KCNQ1: variants seen among roughly 807,000 people sequenced by gnomAD.
The protein encoded by KCNQ1 is potassium voltage-gated channel subfamily KQT member 1.
A neutral mutation model predicts 72.4 loss-of-function variants in KCNQ1; 49 were observed. The observed-to-expected ratio is 0.68, with a 90% CI of 0.54 to 0.86. KCNQ1 has a LOEUF of 0.86. Ranked by LOEUF, KCNQ1 falls within the 40% of genes least tolerant of loss-of-function variation. The pLI is 0.00. For synonymous variants in KCNQ1, 450 were observed against 412.6 expected, an observed-to-expected ratio of 1.09 and a Z score of -1.10; for missense variants, 790 against 945.1, an observed-to-expected ratio of 0.84 and a Z score of 2.15.
chr11:2,626,424 C>T lies in KCNQ1; in HGVS notation c.1394-35537C>T, dbSNP rs950506585. ...GCACTCTTCTCAGGAATCATTTGAT[C>T]ATGTATACAAGGGTTTATTTTTGGG... On this transcript the variant is annotated intron_variant, in intron 10 of 15. Coordinates refer to ENST00000155840, the MANE Select transcript of KCNQ1 (RefSeq NM_000218.3). The surrounding 1 kb of genome is among the most constrained non-coding windows in gnomAD (Gnocchi z 4.0). The T allele has an allele frequency of 2.5e-6, 1 of 398,520 alleles. No homozygotes were observed. The highest frequency in any genetic ancestry group is 2.1e-5 in the African/African-American group (1 of 48,624). The allele number at this position is 398,520 out of a possible 1,614,324, so 24.7% of individuals were successfully genotyped here. A position where few individuals can be genotyped will look rare whatever the true frequency, so the allele number is the denominator to read the frequency against.
Position 2,612,213 on chromosome 11 carries a change from C to T in KCNQ1, c.1393+23359C>T, listed in dbSNP as rs541506714. ...AAGCATTACTGCCTGAGCTCTGCCT[C>T]CTGTCTGATCAGTGATGGCATTAGA... On this transcript the variant is annotated intron_variant, in intron 10 of 15. Transcript: ENST00000155840. This position sits in a 1 kb window ranked among gnomAD's most constrained non-coding sequence, Gnocchi z 5.5. The T allele has an allele frequency of 2.5e-6, 1 of 398,618 alleles. No homozygotes were observed. The highest frequency in any genetic ancestry group is 4.4e-5 in the Admixed American group (1 of 22,738). The allele number at this position is 398,618 out of a possible 1,614,324, so 24.7% of individuals were successfully genotyped here. A position where few individuals can be genotyped will look rare whatever the true frequency, so the allele number is the denominator to read the frequency against.
rs995178123 is a variant in KCNQ1 at position 2,484,381 on chromosome 11, T to A, written c.386+38897T>A. On this transcript the variant is annotated intron_variant, in intron 1 of 15. Coordinates refer to ENST00000155840, the MANE Select transcript of KCNQ1 (RefSeq NM_000218.3). The surrounding 1 kb of genome is among the most constrained non-coding windows in gnomAD (Gnocchi z 5.2). Reference sequence around the variant, plus strand: ...GGTTTCATCATGTTGGCCAGGCTGGTCTTGAACTCCTAACCTCAGGTGATC... The same window carrying A: ...GGTTTCATCATGTTGGCCAGGCTGGACTTGAACTCCTAACCTCAGGTGATC... Among the ~76,000 whole-genome samples, 3 of 152,110 alleles carry A rather than the reference T, an allele frequency of 2.0e-5. No individual in the cohort carries two copies. The highest frequency in any genetic ancestry group is 7.2e-5 in the African/African-American group (3 of 41,418).
rs143007935 is a variant in KCNQ1, at chr11:2,582,024, G to T, written c.922-1411G>T. Among the ~76,000 whole-genome samples the T allele has an allele frequency of 5.6e-4, 86 of 152,356 alleles. No homozygotes were observed. In the East Asian group the frequency reaches 6.2e-3, roughly 11 times the overall value. Reference sequence around the variant, plus strand: ...CGGTCAGGGCACTAGTGGGGCAGGGGCCTGGGTGGCGGCCAGGGCTCAGCA... The same window carrying T: ...CGGTCAGGGCACTAGTGGGGCAGGGTCCTGGGTGGCGGCCAGGGCTCAGCA... On this transcript the variant is annotated intron_variant, in intron 6 of 15. Coordinates refer to ENST00000155840, the MANE Select transcript of KCNQ1 (RefSeq NM_000218.3).
Position 2,515,749 on chromosome 11 carries a change from C to T in KCNQ1, c.387-12179C>T, listed in dbSNP as rs1847278144. On this transcript the variant is annotated intron_variant, in intron 1 of 15. Coordinates refer to ENST00000155840, the MANE Select transcript of KCNQ1 (RefSeq NM_000218.3). This position sits in a 1 kb window ranked among gnomAD's most constrained non-coding sequence, Gnocchi z 4.7. ...AATATACTCTCTGTGGGTGTCTTAT[C>T]ACAGCCCAGGGAGCCAGGCTTGGTG... 6.6e-6 allele frequency among the ~76,000 whole-genome samples: 1 copy of T among 152,152 alleles called. No individual in the cohort carries two copies. The highest frequency in any genetic ancestry group is 1.5e-5 in the Non-Finnish European group (1 of 68,012).
chr11:2,793,096 C>G (rs892138402), intron 15 of KCNQ1, among the ~76,000 whole-genome samples: 10 of 152,212 alleles, frequency 6.6e-5, no homozygotes, highest in Non-Finnish European at 1.3e-4. Flanking sequence ...ATGCTGATGC[C>G]TGGGTGACTC....
chr11:2,774,560 G>T (rs1356507531), intron 12 of KCNQ1, among the ~76,000 whole-genome samples: 1 of 152,214 alleles, frequency 6.6e-6, no homozygotes, highest in Non-Finnish European at 1.5e-5. Context: ...TAGGGAGGAG[G>T]TCTCTGCCCT....
chr11:2,757,212 G>A (rs963118050), intron 11 of KCNQ1, among the ~76,000 whole-genome samples: 1 of 151,978 alleles, frequency 6.6e-6, no homozygotes, highest in East Asian at 1.9e-4. Flanking sequence ...AAATCCCAAG[G>A]AATCTACAAT....
At chr11:2,572,551 T>C (rs1207315860) in intron 5 of KCNQ1, among the ~76,000 whole-genome samples, 1 of 152,176 alleles carries the variant, frequency 6.6e-6, no homozygotes, top group Non-Finnish European at 1.5e-5. Flanking sequence ...TGGTCCATTC[T>C]TGGTTCTGTC....
In KCNQ1 at chr11:2,484,062, G is replaced by C. The variant is rs1294480270; in HGVS notation, c.386+38578G>C. 6.6e-6 allele frequency among the ~76,000 whole-genome samples: 1 copy of C among 152,092 alleles called. No homozygotes were observed. Among genetic ancestry groups the C allele is most frequent in the Non-Finnish European group, 1.5e-5 (1 of 68,012 alleles). On this transcript the variant is annotated intron_variant, in intron 1 of 15. Transcript: ENST00000155840. This position sits in a 1 kb window ranked among gnomAD's most constrained non-coding sequence, Gnocchi z 5.2. ...TTCTCCAGGAAGAGCTGTCCCCTTT[G>C]TTCTGGTTATGTATCCAGTGGCTTA... is the stretch of plus-strand genomic sequence containing the variant.
At position 2,791,005 on chromosome 11, in the gene KCNQ1, C is replaced by G. The variant is rs1272180014; in HGVS notation, c.1794+12968C>G. Among the ~76,000 whole-genome samples, 5 of 152,230 alleles carry G rather than the reference C, an allele frequency of 3.3e-5. No homozygotes were observed. In the South Asian group the frequency reaches 1.0e-3, roughly 32 times the overall value. Reference sequence around the variant, plus strand: ...AGCGTCTCTCTTTCTTGGGGTGTTTCTCTCTTAGCCTGCCTGTGGGGGACA... The same window carrying G: ...AGCGTCTCTCTTTCTTGGGGTGTTTGTCTCTTAGCCTGCCTGTGGGGGACA... On this transcript the variant is annotated intron_variant, in intron 15 of 15. Transcript: ENST00000155840.
At chr11:2,792,580 GGAGCGCATCCTATGGATATCTAGAGGAA>G (rs1249476561) in intron 15 of KCNQ1, among the ~76,000 whole-genome samples, 2 of 152,168 alleles carry the variant, frequency 1.3e-5, no homozygotes, top group African/African-American at 4.8e-5. Context: ...TGCGGGTGAG[GGAGCGCATCCTATGGATATCTAGAGGAA>G]GAGCGTTCTG....
At chr11:2,706,705 G>C (rs1459510610) in intron 11 of KCNQ1, among the ~76,000 whole-genome samples, 1 of 152,214 alleles carries the variant, frequency 6.6e-6, no homozygotes, top group African/African-American at 2.4e-5. Context: ...CCAGGAGAAA[G>C]AGTACTGTGC....
intron 15 of KCNQ1, among the ~76,000 whole-genome samples, chr11:2,794,634 AGAT>A (rs1376127793): frequency 1.3e-5 from 2 of 152,190 alleles, no homozygotes; most frequent in East Asian, 3.9e-4. Flanking sequence ...AGCGGGGAGC[AGAT>A]GCCGCATGGA....
At chr11:2,614,318 C>A (rs1351478745) in intron 10 of KCNQ1, 1 of 398,440 alleles carries the variant, frequency 2.5e-6, no homozygotes, top group Non-Finnish European at 4.4e-6. Flanking sequence ...GGTGATAATT[C>A]TGTCTGTGCT....
rs1246434744 is a variant in KCNQ1 at position 2,746,844 on chromosome 11, G to A, written c.1515-22000G>A. ...GGCCCTAGAGAGACCCTGGGATGTG[G>A]ATCACACTGGTGACCCCTGTGAGCC... On this transcript the variant is annotated intron_variant, in intron 11 of 15. Transcript: ENST00000155840. This position sits in a 1 kb window ranked among gnomAD's most constrained non-coding sequence, Gnocchi z 5.9. Among the ~76,000 whole-genome samples the A allele has an allele frequency of 2.0e-5, 3 of 152,234 alleles. No homozygotes were observed. The highest frequency in any genetic ancestry group is 4.1e-4 in the South Asian group (2 of 4,838).
chr11:2,641,876 A>G (rs1228247435), intron 10 of KCNQ1: 1 of 398,352 alleles, frequency 2.5e-6, no homozygotes, highest in Non-Finnish European at 4.4e-6. Context: ...CAGCTCCATT[A>G]AGTGAAGAGG....
chr11:2,769,424 G>C lies in KCNQ1; in HGVS notation c.1590+505G>C, dbSNP rs1590077023. ...ATGGAGGGAGGCTGGGCCCTGCTCTGTAAGAGGTGGGGTCCCCTTGGCCAG... is the reference window on the plus strand; with the variant it reads ...ATGGAGGGAGGCTGGGCCCTGCTCTCTAAGAGGTGGGGTCCCCTTGGCCAG... On this transcript the variant is annotated intron_variant, in intron 12 of 15. Coordinates refer to ENST00000155840, the MANE Select transcript of KCNQ1 (RefSeq NM_000218.3). This position sits in a 1 kb window ranked among gnomAD's most constrained non-coding sequence, Gnocchi z 4.6. Among the ~76,000 whole-genome samples the C allele has an allele frequency of 6.6e-6, 1 of 152,202 alleles. No individual in the cohort carries two copies. Among genetic ancestry groups the C allele is most frequent in the Non-Finnish European group, 1.5e-5 (1 of 68,034 alleles).
chr11:2,474,180 C>T (rs1166612816), intron 1 of KCNQ1, among the ~76,000 whole-genome samples: 2 of 152,136 alleles, frequency 1.3e-5, no homozygotes, highest in East Asian at 1.9e-4. Flanking sequence ...GTCCAGGGTC[C>T]GTCAAGAAGC....
At chr11:2,633,016 T>C in intron 10 of KCNQ1, 1 of 398,530 alleles carries the variant, frequency 2.5e-6, no homozygotes, top group Non-Finnish European at 4.4e-6. Flanking sequence ...AATGACTCAC[T>C]AATTTATAGT....
Sources: gnomAD v4.1 joint callset for allele counts (sites outside exome capture counted in the v4.1 genomes callset) on GRCh38, gnomAD v4.1.1 for gene constraint, Gnocchi (gnomAD v3.1) non-coding constraint, MANE v1.5 for transcripts, NCBI Gene and HGNC (gene_info 2026-07-23, HGNC 2026-07-21) for gene names.